Variants in IARS2 observed in about 807,000 individuals in gnomAD.
IARS2 encodes the protein isoleucine--tRNA ligase, mitochondrial.
IARS2 carries 56 observed loss-of-function variants against 126.3 expected under a neutral mutation model. That is an observed-to-expected ratio of 0.44 (90% CI 0.36 to 0.55). The LOEUF (loss-of-function observed/expected upper bound fraction) is 0.55, where lower values mean the gene tolerates loss of function less well. Ranked by LOEUF, IARS2 falls within the 20% of genes least tolerant of loss-of-function variation. IARS2 has a pLI of 0.00. For synonymous variants in IARS2, 407 were observed against 441.1 expected, an observed-to-expected ratio of 0.92 and a Z score of 0.97; for missense variants, 1,127 against 1,245.9, an observed-to-expected ratio of 0.90 and a Z score of 1.44.
chr1:220,143,921 A>G (rs1657536104), intron 21 of IARS2: 3 of 979,246 alleles, frequency 3.1e-6, no homozygotes, highest in East Asian at 2.4e-5. Flanking sequence ...TTTTTTTTCC[A>G]CGGGGCATTT....
intron 18 of IARS2, 86 bp downstream of exon 18, chr1:220,139,225 A>AG: frequency 9.8e-7 from 1 of 1,017,670 alleles, no homozygotes; most frequent in Non-Finnish European, 1.4e-6. Context: ...AGTGGAACAG[A>AG]CCTTGCTGGA....
chr1:220,141,731 G>A lies in IARS2; in HGVS notation c.2415-72G>A, dbSNP rs923775369. ...TAGCCACTAGGAATAAACTCAACCT[G>A]AGGCAGGTCCCATCTAGGTGACCAT... On this transcript the variant is annotated intron_variant, in intron 19 of 22. Transcript: ENST00000366922. The A allele has an allele frequency of 9.5e-6, 14 of 1,475,532 alleles. No homozygotes were observed. The African/African-American group carries it at 1.8e-4, about 19-fold the overall frequency. 91.4% of individuals were successfully genotyped at this position (1,475,532 alleles called of 1,614,324 possible). A position where few individuals can be genotyped will look rare whatever the true frequency, so the allele number is the denominator to read the frequency against.
At chr1:220,100,231 T>C (rs111358528) in intron 2 of IARS2, among the ~76,000 whole-genome samples, 4 of 152,356 alleles carry the variant, frequency 2.6e-5, no homozygotes, top group African/African-American at 9.6e-5. Context: ...CTGTAAGTTC[T>C]GCAATGGTTT....
At chr1:220,107,466 C>T (rs1292111761) in intron 10 of IARS2, among the ~76,000 whole-genome samples, 4 of 152,130 alleles carry the variant, frequency 2.6e-5, no homozygotes, top group Non-Finnish European at 5.9e-5. Flanking sequence ...TACACATTCC[C>T]TACTCACTTT....
chr1:220,101,348 T>C (rs1656566479), intron 3 of IARS2, among the ~76,000 whole-genome samples: 1 of 152,212 alleles, frequency 6.6e-6, no homozygotes, highest in African/African-American at 2.4e-5. Context: ...AATTTTAGAA[T>C]TTGTTGTAGG....
chr1:220,137,740 T>C (rs1558130950), intron 16 of IARS2, 178 bp from the exon 17 acceptor site: 1 of 616,172 alleles, frequency 1.6e-6, no homozygotes, highest in African/African-American at 1.8e-5. Flanking sequence ...TTTTTCCAGT[T>C]TTGTTTTTAG....
chr1:220,095,368 C>T (rs1571841069), intron 1 of IARS2, among the ~76,000 whole-genome samples: 1 of 152,176 alleles, frequency 6.6e-6, no homozygotes, highest in African/African-American at 2.4e-5. Flanking sequence ...GCAGAGATTC[C>T]TCTTTAGCTT....
chr1:220,119,063 C>T (rs1244807222), intron 12 of IARS2, among the ~76,000 whole-genome samples: 2 of 152,108 alleles, frequency 1.3e-5, no homozygotes, highest in Non-Finnish European at 1.5e-5. Context: ...AGGCAAAACA[C>T]AGAAGACAGT....
At chr1:220,110,127 T>TCACTACA (rs1248364205) in intron 10 of IARS2, among the ~76,000 whole-genome samples, 2 of 151,610 alleles carry the variant, frequency 1.3e-5, no homozygotes, top group African/African-American at 4.8e-5. Flanking sequence ...CAATCTCGGT[T>TCACTACA]CACTACAGCC....
chr1:220,124,371 T>C (rs974094648), intron 12 of IARS2, among the ~76,000 whole-genome samples: 5 of 152,218 alleles, frequency 3.3e-5, no homozygotes, highest in African/African-American at 1.2e-4. Flanking sequence ...GGTGCTGTAC[T>C]AAGTTTTACA....
intron 17 of IARS2, among the ~76,000 whole-genome samples, chr1:220,138,700 C>T (rs1657429741): frequency 1.3e-5 from 2 of 151,940 alleles, no homozygotes; most frequent in South Asian, 4.1e-4. Flanking sequence ...TAACATTATT[C>T]TGACCCACAC....
intron 8 of IARS2, among the ~76,000 whole-genome samples, chr1:220,105,068 G>A (rs1212658221): frequency 1.3e-5 from 2 of 152,004 alleles, no homozygotes; most frequent in South Asian, 2.1e-4. Context: ...AAGACCATTT[G>A]GTCCTCTTTG....
rs753047105 is a variant in IARS2, at chr1:220,102,107, CTTTT to C, written c.551-18_551-15del. 1.9e-6 allele frequency: 3 copies of C among 1,587,648 alleles called. No individual in the cohort carries two copies. In the African/African-American group the frequency reaches 4.1e-5, roughly 22 times the overall value. The stretch of plus-strand genomic sequence containing the variant: ...TTCGAATTCATTGGTTTTTTAAAAT[CTTTT>C]TTTCGTCTTTTTTTTAGCTAGATCA... On this transcript the variant is annotated intron_variant, in intron 3 of 22. Coordinates refer to ENST00000366922, the MANE Select transcript of IARS2 (RefSeq NM_018060.4).
At chr1:220,121,647 G>T (rs1657053769) in intron 12 of IARS2, among the ~76,000 whole-genome samples, 1 of 152,042 alleles carries the variant, frequency 6.6e-6, no homozygotes, top group Non-Finnish European at 1.5e-5. Flanking sequence ...TCTTTACTAT[G>T]TTGCCCAGGC....
At chr1:220,106,115 A>C (rs1656675036) in intron 9 of IARS2, 55 bp downstream of exon 9, 3 of 1,423,796 alleles carry the variant, frequency 2.1e-6, no homozygotes, top group African/African-American at 1.4e-5. Flanking sequence ...AGGAAATGAT[A>C]AATTCTAACC....
intron 13 of IARS2, among the ~76,000 whole-genome samples, chr1:220,126,340 T>C (rs1657157120): frequency 6.6e-6 from 1 of 152,056 alleles, no homozygotes; most frequent in African/African-American, 2.4e-5. Context: ...TCAATTGTTA[T>C]CTCATTGAGG....
intron 13 of IARS2, 46 bp from the exon 14 acceptor site, chr1:220,126,704 A>G: frequency 2.9e-6 from 4 of 1,378,376 alleles, no homozygotes; most frequent in East Asian, 2.3e-5. Context: ...TGTTGTCTAT[A>G]TTGTGATCTT....
In IARS2 at chr1:220,134,469, C is replaced by T. The variant is rs1298377383; in HGVS notation, c.1905C>T (p.Ser635=). ...AGCTCGGGGGTTGGTTTCAGTCATCCTTATTAACAAGTGTGGCAGCAAGGA... is the reference window on the plus strand; with the variant it reads ...AGCTCGGGGGTTGGTTTCAGTCATCTTTATTAACAAGTGTGGCAGCAAGGA... ...KDQLGGWFQS[S]LLTSVAARKR... is the part of the protein sequence containing the mutation. The change falls in exon 15 of 23, where the codon TCC becomes TCT. Residue 635 remains serine, a synonymous_variant. Transcript: ENST00000366922. 6.2e-7 allele frequency: 1 copy of T among 1,613,208 alleles called. No individual in the cohort carries two copies. The highest frequency in any genetic ancestry group is 8.5e-7 in the Non-Finnish European group (1 of 1,179,686).
At chr1:220,120,643 TAGGATTAC>T (rs1281202319) in intron 12 of IARS2, among the ~76,000 whole-genome samples, 2 of 152,188 alleles carry the variant, frequency 1.3e-5, no homozygotes, top group African/African-American at 4.8e-5. Context: ...TCCAAAGTGC[TAGGATTAC>T]AGGTGTGAGC....
Sources: gnomAD v4.1 joint callset for allele counts (sites outside exome capture counted in the v4.1 genomes callset) on GRCh38, gnomAD v4.1.1 for gene constraint, MANE v1.5 for transcripts, NCBI Gene and HGNC (gene_info 2026-07-23, HGNC 2026-07-21) for gene names.